Variants in CDK14 observed in about 807,000 individuals in gnomAD.
CDK14 encodes the protein cyclin-dependent kinase 14.
CDK14 carries 34 observed loss-of-function variants against 60.7 expected under a neutral mutation model. The observed-to-expected ratio is 0.56, with a 90% confidence interval of 0.43 to 0.75. The LOEUF (loss-of-function observed/expected upper bound fraction) is 0.75, where lower values mean the gene tolerates loss of function less well. Ranked by LOEUF, CDK14 falls within the 30% of genes least tolerant of loss-of-function variation. CDK14 has a pLI of 0.00. For synonymous variants in CDK14, 197 were observed against 203.7 expected, an observed-to-expected ratio of 0.97 and a Z score of 0.28; for missense variants, 482 against 564.1, an observed-to-expected ratio of 0.85 and a Z score of 1.47.
At chr7:90,911,782 T>C (rs991053188) in intron 7 of CDK14, among the ~76,000 whole-genome samples, 1 of 152,172 alleles carries the variant, frequency 6.6e-6, no homozygotes, top group Non-Finnish European at 1.5e-5. Flanking sequence ...CAATAGTGTG[T>C]GCTTTATATC....
At chr7:90,624,584 G>GGCTA (rs1484001301) in intron 2 of CDK14, among the ~76,000 whole-genome samples, 10 of 152,272 alleles carry the variant, frequency 6.6e-5, no homozygotes, top group South Asian at 6.2e-4. Flanking sequence ...AGAGAGAAGT[G>GGCTA]GCTAGCAACC....
At chr7:90,835,275 G>T (rs78593408) in intron 5 of CDK14, among the ~76,000 whole-genome samples, 1 of 152,256 alleles carries the variant, frequency 6.6e-6, no homozygotes, top group African/African-American at 2.4e-5. Flanking sequence ...ACTGAGAAAT[G>T]ATTGTTAAGC....
At chr7:90,851,712 G>A (rs1790650138) in intron 5 of CDK14, among the ~76,000 whole-genome samples, 1 of 151,834 alleles carries the variant, frequency 6.6e-6, no homozygotes, top group Non-Finnish European at 1.5e-5. Context: ...GATTTCTGGA[G>A]AATTTAAGGC....
chr7:90,864,278 C>A (rs980189112), intron 6 of CDK14, among the ~76,000 whole-genome samples: 11 of 152,078 alleles, frequency 7.2e-5, no homozygotes, highest in Admixed American at 2.0e-4. Flanking sequence ...GGTAATGTGA[C>A]TGCAAGGACA....
At chr7:90,750,062 A>G (rs1037465889) in intron 4 of CDK14, among the ~76,000 whole-genome samples, 7 of 152,078 alleles carry the variant, frequency 4.6e-5, no homozygotes, top group African/African-American at 1.7e-4. Flanking sequence ...ATAGAAATGC[A>G]TAGGGCTATA....
chr7:91,137,907 G>A (rs117833543), intron 14 of CDK14, among the ~76,000 whole-genome samples: 2,459 of 152,198 alleles, frequency 0.016, 22 homozygotes, highest in Non-Finnish European at 0.022. Context: ...CCAGATAATT[G>A]AGCTAATTAA....
intron 14 of CDK14, among the ~76,000 whole-genome samples, chr7:91,183,076 T>G (rs911994237): frequency 4.6e-5 from 7 of 152,194 alleles, no homozygotes; most frequent in Admixed American, 1.3e-4. Context: ...TCAGGATATA[T>G]GATTCAAAGC....
intron 5 of CDK14, among the ~76,000 whole-genome samples, chr7:90,843,834 C>A (rs528736759): frequency 6.6e-6 from 1 of 152,112 alleles, no homozygotes; most frequent in Non-Finnish European, 1.5e-5. Context: ...GCTTTTTATG[C>A]TATTCCTGCC....
At chr7:91,154,644 C>T (rs756195550) in intron 14 of CDK14, among the ~76,000 whole-genome samples, 11 of 152,164 alleles carry the variant, frequency 7.2e-5, no homozygotes, top group South Asian at 2.1e-4. Flanking sequence ...TGTGTCACCT[C>T]GGTCAAATAA....
At chr7:90,746,268 CT>C (rs1803587035) in intron 3 of CDK14, among the ~76,000 whole-genome samples, 1 of 152,034 alleles carries the variant, frequency 6.6e-6, no homozygotes, top group South Asian at 2.1e-4. Context: ...TGAAAAATAA[CT>C]TTTAAGTCAT....
intron 5 of CDK14, among the ~76,000 whole-genome samples, chr7:90,795,057 C>G (rs1806001816): frequency 6.6e-6 from 1 of 152,138 alleles, no homozygotes; most frequent in Admixed American, 6.6e-5. Context: ...ACTGAGCATT[C>G]ATGCAGGTGA....
At chr7:90,927,356 A>T (rs1338583738) in intron 8 of CDK14, among the ~76,000 whole-genome samples, 1 of 152,174 alleles carries the variant, frequency 6.6e-6, no homozygotes, top group Admixed American at 6.5e-5. Flanking sequence ...GGGTCTTAGG[A>T]GCTCTGTGTC....
chr7:91,122,426 A>G (rs1291476748), intron 14 of CDK14, among the ~76,000 whole-genome samples: 1 of 152,220 alleles, frequency 6.6e-6, no homozygotes, highest in Non-Finnish European at 1.5e-5. Context: ...TTTTAGACAG[A>G]ACACAATGCA....
At position 90,957,063 on chromosome 7, in the gene CDK14, C is replaced by A. The variant is rs372675947; in HGVS notation, c.947+1246C>A. On this transcript the variant is annotated intron_variant, in intron 9 of 14. Transcript: ENST00000380050. ...AAGTCTTTGCTATTGTGAATAATGC[C>A]GCAATAAACATACGTGTGCATGTGT... is the stretch of plus-strand genomic sequence containing the variant. 9.4e-5 allele frequency among the ~76,000 whole-genome samples: 14 copies of A among 149,504 alleles called. No homozygotes were observed. In the Admixed American group the frequency reaches 9.4e-4, roughly 10 times the overall value.
intron 2 of CDK14, among the ~76,000 whole-genome samples, chr7:90,650,372 G>A (rs1800604912): frequency 6.6e-6 from 1 of 151,180 alleles, no homozygotes; most frequent in Non-Finnish European, 1.5e-5. Context: ...TTTGTCAGAT[G>A]GGTAGATTGC....
intron 8 of CDK14, among the ~76,000 whole-genome samples, chr7:90,939,174 C>T (rs923744190): frequency 1.3e-5 from 2 of 151,982 alleles, no homozygotes; most frequent in East Asian, 1.9e-4. Context: ...TATCTTCAGC[C>T]GTAGTGTAAG....
At chr7:90,954,237 A>G (rs1443446218) in intron 8 of CDK14, among the ~76,000 whole-genome samples, 2 of 152,296 alleles carry the variant, frequency 1.3e-5, no homozygotes, top group South Asian at 4.1e-4. Flanking sequence ...TAAAATTTAC[A>G]TATAATACTG....
At chr7:91,066,332 A>G (rs550668310) in intron 11 of CDK14, among the ~76,000 whole-genome samples, 30 of 152,282 alleles carry the variant, frequency 2.0e-4, no homozygotes, top group African/African-American at 5.3e-4. Context: ...TGATCCTTCT[A>G]TGGACCCCCC....
chr7:91,039,411 C>T lies in CDK14; in HGVS notation c.1042-6486C>T, dbSNP rs10085405. Among the ~76,000 whole-genome samples, 979 of 152,302 alleles carry T rather than the reference C, an allele frequency of 6.4e-3. 11 individuals carry two copies. The highest frequency in any genetic ancestry group is 0.023 in the African/African-American group (940 of 41,556). The stretch of plus-strand genomic sequence containing the variant: ...TACATGGATGGGAAAACATAATTAA[C>T]AGTTGAACAACATGTATATAGTATA... On this transcript the variant is annotated intron_variant, in intron 10 of 14. Transcript: ENST00000380050.
Sources: allele counts gnomAD v4.1 joint callset (sites outside exome capture counted in the v4.1 genomes callset), GRCh38; gene constraint gnomAD v4.1.1; transcripts MANE v1.5; gene names NCBI Gene and HGNC (gene_info 2026-07-23, HGNC 2026-07-21).